Variants in CDH18 observed in about 807,000 individuals in gnomAD.
The protein encoded by CDH18 is cadherin-18.
In CDH18, 31 loss-of-function variants were observed where a neutral mutation model predicts 67.9. The ratio of observed to expected loss-of-function variants is 0.46; its 90% CI spans 0.34 to 0.62. The LOEUF (loss-of-function observed/expected upper bound fraction) is 0.62. Ranked by LOEUF, CDH18 falls within the 20% of genes least tolerant of loss-of-function variation. CDH18 has a pLI of 0.01. For synonymous variants in CDH18, 362 were observed against 347.2 expected (o/e 1.04, Z -0.48); for missense variants, 890 against 975.5 (o/e 0.91, Z 1.17).
At chr5:20,547,574 G>C (rs1297012460) in intron 1 of CDH18, among the ~76,000 whole-genome samples, 2 of 142,432 alleles carry the variant, frequency 1.4e-5, no homozygotes, top group African/African-American at 5.1e-5. Context: ...AAAAAAAAAA[G>C]AATCAAACTA....
chr5:20,342,320 C>A (rs756745497), intron 1 of CDH18, among the ~76,000 whole-genome samples: 1 of 152,062 alleles, frequency 6.6e-6, no homozygotes, highest in African/African-American at 2.4e-5. Context: ...TTCCCCATCC[C>A]CAGTAATGGC....
At chr5:20,120,427 G>C (rs145044816) in intron 2 of CDH18, among the ~76,000 whole-genome samples, 2 of 152,168 alleles carry the variant, frequency 1.3e-5, no homozygotes, top group East Asian at 1.9e-4. Flanking sequence ...CTACTTTACA[G>C]ATATATAAAC....
chr5:19,776,174 ACAG>A (rs1355484332), intron 3 of CDH18, among the ~76,000 whole-genome samples: 1 of 152,218 alleles, frequency 6.6e-6, no homozygotes, highest in African/African-American at 2.4e-5. Flanking sequence ...AATGGATTAA[ACAG>A]CAGATTTGAC....
intron 2 of CDH18, among the ~76,000 whole-genome samples, chr5:19,959,653 G>A (rs1796597274): frequency 6.6e-6 from 1 of 152,004 alleles, no homozygotes; most frequent in African/African-American, 2.4e-5. Context: ...ATTGAGTGCT[G>A]TATCTTGGAG....
At chr5:20,485,550 G>C (rs554588287) in intron 1 of CDH18, among the ~76,000 whole-genome samples, 1 of 152,100 alleles carries the variant, frequency 6.6e-6, no homozygotes, top group Non-Finnish European at 1.5e-5. Flanking sequence ...GTGCAGAAAA[G>C]ATAAAGTTCA....
chr5:19,808,331 A>AT (rs1036159922), intron 3 of CDH18, among the ~76,000 whole-genome samples: 20 of 152,032 alleles, frequency 1.3e-4, no homozygotes, highest in African/African-American at 4.6e-4. Context: ...AAAAAAAACA[A>AT]AAATAAAACT....
intron 2 of CDH18, among the ~76,000 whole-genome samples, chr5:20,244,525 C>T (rs1444290805): frequency 1.3e-5 from 2 of 152,008 alleles, no homozygotes; most frequent in East Asian, 3.9e-4. Flanking sequence ...AACAAACCCT[C>T]CTCTTCCAAA....
chr5:19,989,402 C>T (rs1054187063), upstream of CDH18, among the ~76,000 whole-genome samples: 4 of 152,142 alleles, frequency 2.6e-5, no homozygotes, highest in African/African-American at 9.7e-5. Flanking sequence ...GCTCTAAAGG[C>T]AAGAAGACGT....
intron 1 of CDH18, among the ~76,000 whole-genome samples, chr5:20,360,828 AT>A (rs1194575365): frequency 2.6e-5 from 4 of 151,884 alleles, no homozygotes; most frequent in East Asian, 1.9e-4. Flanking sequence ...TGTAAGCCTA[AT>A]TTTTTTTCAA....
At chr5:20,353,148 G>A (rs771335750) in intron 1 of CDH18, among the ~76,000 whole-genome samples, 1 of 151,866 alleles carries the variant, frequency 6.6e-6, no homozygotes, top group Non-Finnish European at 1.5e-5. Context: ...TACATTTTTG[G>A]TCCTTCATAT....
chr5:19,850,932 C>T (rs1403747958), intron 2 of CDH18, among the ~76,000 whole-genome samples: 5 of 151,736 alleles, frequency 3.3e-5, no homozygotes, highest in African/African-American at 7.2e-5. Flanking sequence ...AATTAGGGAA[C>T]AAATAAGGCA....
At chr5:19,493,749 T>C (rs1437395479) in intron 11 of CDH18, among the ~76,000 whole-genome samples, 1 of 152,184 alleles carries the variant, frequency 6.6e-6, no homozygotes, top group Non-Finnish European at 1.5e-5. Flanking sequence ...TTAATCACAT[T>C]AGTTTAGAGA....
intron 3 of CDH18, among the ~76,000 whole-genome samples, chr5:19,763,013 C>T (rs1315737743): frequency 1.3e-5 from 2 of 152,142 alleles, no homozygotes; most frequent in Non-Finnish European, 2.9e-5. Context: ...AAACCAAACA[C>T]CACATGTTCT....
At chr5:20,457,932 T>C (rs1750959001) in intron 1 of CDH18, among the ~76,000 whole-genome samples, 1 of 152,072 alleles carries the variant, frequency 6.6e-6, no homozygotes, top group Non-Finnish European at 1.5e-5. Context: ...CTGATGACAG[T>C]AAAAGAGAGA....
At chr5:20,340,145 C>G (rs1341955538) in intron 1 of CDH18, among the ~76,000 whole-genome samples, 1 of 152,140 alleles carries the variant, frequency 6.6e-6, no homozygotes, top group Non-Finnish European at 1.5e-5. Context: ...ATCCTTCAGC[C>G]TTTTTGGAAA....
At chr5:19,546,904 CTAA>C (rs1359154082) in intron 8 of CDH18, among the ~76,000 whole-genome samples, 1 of 151,970 alleles carries the variant, frequency 6.6e-6, no homozygotes, top group Non-Finnish European at 1.5e-5. Context: ...ATTAAATTTT[CTAA>C]TAATAAGTAT....
chr5:20,134,832 T>C (rs1014531184), intron 2 of CDH18, among the ~76,000 whole-genome samples: 39 of 152,274 alleles, frequency 2.6e-4, no homozygotes, highest in Admixed American at 2.0e-3. Flanking sequence ...TCCATAGTTA[T>C]ATTAGAGTCA....
intron 2 of CDH18, among the ~76,000 whole-genome samples, chr5:20,098,012 T>C (rs1484048515): frequency 2.0e-5 from 3 of 151,992 alleles, no homozygotes; most frequent in Non-Finnish European, 4.4e-5. Flanking sequence ...TCTGTGCCAA[T>C]GTTTTAATTG....
chr5:19,920,576 C>T (rs539530259), intron 2 of CDH18, among the ~76,000 whole-genome samples: 67 of 147,402 alleles, frequency 4.5e-4, no homozygotes, highest in Middle Eastern at 3.7e-3. Context: ...TACAATGGCA[C>T]GATCTCGGCT....
Sources: allele counts gnomAD v4.1 joint callset (sites outside exome capture counted in the v4.1 genomes callset), GRCh38; gene constraint gnomAD v4.1.1; transcripts MANE v1.5; gene names NCBI Gene and HGNC (gene_info 2026-07-23, HGNC 2026-07-21).